The following ANK3 variants were observed in gnomAD, a reference collection of about 807,000 sequenced individuals.
ANK3 encodes ankyrin-3.
Under a neutral mutation model 370.9 loss-of-function variants are expected in ANK3, and 57 were observed. The ratio of observed to expected loss-of-function variants is 0.15; its 90% CI spans 0.12 to 0.19. The LOEUF (loss-of-function observed/expected upper bound fraction) is 0.19. ANK3 is among the 10% of genes least tolerant of loss of function. ANK3 has a pLI of 1.00. For synonymous variants in ANK3, 1,929 were observed against 1,946.3 expected (o/e 0.99, Z 0.23); for missense variants, 4,439 against 5,302.1 (o/e 0.84, Z 5.06).
chr10:60,328,143 A>G (rs1041467682), intron 1 of ANK3, among the ~76,000 whole-genome samples: 8 of 152,192 alleles, frequency 5.3e-5, no homozygotes, highest in East Asian at 1.9e-4. Flanking sequence ...AAGATAGGGA[A>G]CTCAAGTCGA....
rs751452249 is a variant in ANK3, at chr10:60,186,874, G to A, written c.1926C>T (p.Asn642=). 3.1e-6 allele frequency: 5 copies of A among 1,614,124 alleles called. No homozygotes were observed. The South Asian group carries it at 5.5e-5, about 18-fold the overall frequency. Residue 642 remains asparagine (N), a synonymous_variant, in exon 17 of 44, where the codon AAC becomes AAT. Transcript: ENST00000280772. ...GCAGAGTTGTCGCTATGTCCATCTG[G>A]TTCTTTTTGGCAGCGATGTGCAGTG... ...YTPLHIAAKK[N]QMDIATTLLE... is the part of the protein sequence containing the mutation.
At chr10:60,210,893 A>T (rs1331488477) in intron 9 of ANK3, among the ~76,000 whole-genome samples, 1 of 152,168 alleles carries the variant, frequency 6.6e-6, no homozygotes, top group African/African-American at 2.4e-5. Flanking sequence ...CTGGAAAAAG[A>T]AAAGCCCCAG....
intron 2 of ANK3, among the ~76,000 whole-genome samples, chr10:60,566,831 T>C (rs186516301): frequency 3.9e-5 from 6 of 152,272 alleles, no homozygotes; most frequent in African/African-American, 9.6e-5. Context: ...GCTATGATCA[T>C]GCCAATGTGC....
chr10:60,116,542 T>C (rs780353845), intron 25 of ANK3, among the ~76,000 whole-genome samples: 2 of 151,664 alleles, frequency 1.3e-5, no homozygotes, highest in Non-Finnish European at 2.9e-5. Context: ...TTCATTAATA[T>C]CTAGAGAGAG....
chr10:60,388,940 T>A (rs1318465238), intron 1 of ANK3, among the ~76,000 whole-genome samples: 4 of 152,108 alleles, frequency 2.6e-5, no homozygotes, highest in Non-Finnish European at 5.9e-5. Context: ...GGAAATGACT[T>A]TTGTGCTACT....
intron 42 of ANK3, among the ~76,000 whole-genome samples, chr10:60,046,080 C>G (rs1432857052): frequency 6.6e-6 from 1 of 152,134 alleles, no homozygotes; most frequent in African/African-American, 2.4e-5. Context: ...CATCTCCAAT[C>G]TTGCTTATGA....
intron 2 of ANK3, among the ~76,000 whole-genome samples, chr10:60,447,279 G>A (rs1476166871): frequency 6.6e-6 from 1 of 152,168 alleles, no homozygotes; most frequent in Non-Finnish European, 1.5e-5. Context: ...CTGCGACAAA[G>A]GGGTATCAGG....
intron 2 of ANK3, among the ~76,000 whole-genome samples, chr10:60,487,552 G>A (rs919858337): frequency 2.0e-5 from 3 of 151,448 alleles, no homozygotes; most frequent in African/African-American, 7.3e-5. Flanking sequence ...AGGGATGGTG[G>A]CAGTGCAGAG....
intron 1 of ANK3, among the ~76,000 whole-genome samples, chr10:60,298,666 G>A (rs546247624): frequency 1.3e-5 from 2 of 152,252 alleles, no homozygotes; most frequent in South Asian, 4.1e-4. Flanking sequence ...GCACATATGG[G>A]CTGAGATCAA....
chr10:60,144,168 T>C (rs1173335254), intron 23 of ANK3: 1 of 436,502 alleles, frequency 2.3e-6, no homozygotes, highest in Admixed American at 2.6e-5. Flanking sequence ...CCAAGGTAGA[T>C]AATAAGACCT....
At chr10:60,121,578 G>T (rs2093476026) in intron 25 of ANK3, among the ~76,000 whole-genome samples, 1 of 151,794 alleles carries the variant, frequency 6.6e-6, no homozygotes, top group Admixed American at 6.6e-5. Context: ...TGTAGTCCCA[G>T]CTACTTGGAA....
chr10:60,724,176 C>T (rs1458193702), intron 1 of ANK3, among the ~76,000 whole-genome samples: 2 of 128,694 alleles, frequency 1.6e-5, no homozygotes, highest in Non-Finnish European at 3.2e-5. Context: ...CGCCACTGCA[C>T]TCCAGCCTGG....
chr10:60,047,257 C>T (rs1472431660), intron 42 of ANK3, among the ~76,000 whole-genome samples: 1 of 152,192 alleles, frequency 6.6e-6, no homozygotes, highest in Non-Finnish European at 1.5e-5. Flanking sequence ...TGTGGTGTTA[C>T]ATTTTCACCT....
intron 25 of ANK3, among the ~76,000 whole-genome samples, chr10:60,122,032 T>C (rs2093510332): frequency 1.3e-5 from 2 of 152,202 alleles, no homozygotes; most frequent in African/African-American, 4.8e-5. Flanking sequence ...AGGAGGGGTG[T>C]TGCCTGGGCT....
chr10:60,525,814 G>A (rs2076455779), intron 2 of ANK3, among the ~76,000 whole-genome samples: 1 of 152,094 alleles, frequency 6.6e-6, no homozygotes, highest in African/African-American at 2.4e-5. Context: ...AACGCACTTT[G>A]TAAATGATGA....
At chr10:60,062,978 G>A (rs1236224503) in intron 40 of ANK3, 133 bp downstream of exon 40, 5 of 879,408 alleles carry the variant, frequency 5.7e-6, no homozygotes, top group Admixed American at 2.9e-5. Context: ...TTTATTTGCA[G>A]ACTCTGGCAG....
chr10:60,501,487 T>A (rs1285986870), intron 2 of ANK3, among the ~76,000 whole-genome samples: 1 of 152,030 alleles, frequency 6.6e-6, no homozygotes, highest in Non-Finnish European at 1.5e-5. Context: ...GGCAGATCAC[T>A]TGAGGCCAGG....
At chr10:60,150,088 GT>G (rs951749718) in intron 23 of ANK3, among the ~76,000 whole-genome samples, 2 of 152,140 alleles carry the variant, frequency 1.3e-5, no homozygotes, top group Admixed American at 1.3e-4. Flanking sequence ...CACTCCTCAG[GT>G]TTTTTCCCCT....
chr10:60,361,130 T>C (rs934111711), intron 1 of ANK3, among the ~76,000 whole-genome samples: 1 of 152,218 alleles, frequency 6.6e-6, no homozygotes. Flanking sequence ...ATTGGATCAA[T>C]TCTATTTTTT....
Sources: allele counts gnomAD v4.1 joint callset (sites outside exome capture counted in the v4.1 genomes callset), GRCh38; gene constraint gnomAD v4.1.1; transcripts MANE v1.5; gene names NCBI Gene and HGNC (gene_info 2026-07-23, HGNC 2026-07-21).